Variants in PYROXD1 observed in about 807,000 individuals in gnomAD.
The protein encoded by PYROXD1 is pyridine nucleotide-disulphide oxidoreductase domain 1, also known as tRNA ligase complex-associated NAD(P)H dehydrogenase PYROXD1.
Under a neutral mutation model 62.0 loss-of-function variants are expected in PYROXD1, and 42 were observed. That is an observed-to-expected ratio of 0.68 (90% confidence interval 0.53 to 0.88). The LOEUF (loss-of-function observed/expected upper bound fraction) is 0.88. Ranked by LOEUF, PYROXD1 falls within the 40% of genes least tolerant of loss-of-function variation. The probability of loss-of-function intolerance (pLI) is 0.00; values close to 1 mark genes in which losing one functional copy is unlikely to be tolerated. For missense variants in PYROXD1, 493 were observed against 604.8 expected, an observed-to-expected ratio of 0.82 and a Z score of 1.94; for synonymous variants, 170 against 206.4, an observed-to-expected ratio of 0.82 and a Z score of 1.51.
At chr12:21,466,518 A>G (rs12228018) in intron 10 of PYROXD1, among the ~76,000 whole-genome samples, 54,734 of 152,022 alleles carry the variant, frequency 0.36, 11,256 homozygotes, top group South Asian at 0.5. Flanking sequence ...TTGATTTTGT[A>G]TCCTGAGACT....
intron 4 of PYROXD1, among the ~76,000 whole-genome samples, chr12:21,450,143 C>T (rs1942468618): frequency 6.6e-6 from 1 of 151,890 alleles, no homozygotes; most frequent in Admixed American, 6.6e-5. Flanking sequence ...GCTGGGATTA[C>T]AGGCGTGAGC....
intron 10 of PYROXD1, among the ~76,000 whole-genome samples, chr12:21,464,705 T>C (rs1363380782): frequency 7.1e-6 from 1 of 141,444 alleles, no homozygotes; most frequent in African/African-American, 2.7e-5. Flanking sequence ...TAAAATCCAC[T>C]GTGACTCCCA....
chr12:21,455,894 G>A (rs1942586760), intron 6 of PYROXD1, 101 bp from the exon 7 acceptor site: 1 of 688,178 alleles, frequency 1.5e-6, no homozygotes, highest in Non-Finnish European at 2.6e-6. Flanking sequence ...TGTAATGTAT[G>A]TATATATATG....
intron 2 of PYROXD1, among the ~76,000 whole-genome samples, chr12:21,442,202 T>A (rs12297304): frequency 0.043 from 6,604 of 152,164 alleles, 444 homozygotes; most frequent in African/African-American, 0.15. Flanking sequence ...AAGTGGTGCC[T>A]ATGGAGCAGA....
At chr12:21,463,806 G>A (rs144180891) in intron 10 of PYROXD1, among the ~76,000 whole-genome samples, 1 of 152,132 alleles carries the variant, frequency 6.6e-6, no homozygotes, top group Non-Finnish European at 1.5e-5. Flanking sequence ...TCCTAACGGT[G>A]GAACAAAAAT....
intron 3 of PYROXD1, among the ~76,000 whole-genome samples, chr12:21,448,611 G>A (rs922765782): frequency 5.3e-5 from 8 of 152,174 alleles, no homozygotes; most frequent in Non-Finnish European, 1.0e-4. Flanking sequence ...TGGAACTGAA[G>A]AATTAATTTG....
chr12:21,460,428 TATTTA>T (rs1565552879), intron 7 of PYROXD1, among the ~76,000 whole-genome samples: 17 of 144,396 alleles, frequency 1.2e-4, no homozygotes, highest in Admixed American at 2.1e-4. Flanking sequence ...TTATTTTATT[TATTTA>T]TTTTTTTTGA....
At position 21,440,358 on chromosome 12, in the gene PYROXD1, TA is replaced by T; in HGVS notation, c.85-5del. On this transcript the variant is annotated splice_polypyrimidine_tract_variant and intron_variant, in intron 1 of 11. Coordinates refer to ENST00000240651, the MANE Select transcript of PYROXD1 (RefSeq NM_024854.5). Reference sequence around the variant, plus strand: ...TGTCCTAATTTTTTTTCTCTCTTTTTAAAAATAAGTTGGCTACTCACTTTCC... The same window carrying T: ...TGTCCTAATTTTTTTTCTCTCTTTTTAAAATAAGTTGGCTACTCACTTTCC... The T allele has an allele frequency of 6.4e-7, 1 of 1,551,814 alleles. No individual in the cohort carries two copies. The highest frequency in any genetic ancestry group is 8.8e-7 in the Non-Finnish European group (1 of 1,134,784).
chr12:21,442,904 T>C (rs1224420148), intron 2 of PYROXD1, among the ~76,000 whole-genome samples: 1 of 152,232 alleles, frequency 6.6e-6, no homozygotes, highest in African/African-American at 2.4e-5. Flanking sequence ...TCATTATTGA[T>C]TCTTTTATGT....
chr12:21,446,653 A>G (rs996862240), intron 3 of PYROXD1, among the ~76,000 whole-genome samples: 3 of 152,000 alleles, frequency 2.0e-5, no homozygotes, highest in African/African-American at 4.8e-5. Context: ...GCTCATGCCT[A>G]TAATCCCCAG....
Position 21,471,101 on chromosome 12 carries a change from G to C in PYROXD1, c.*2347G>C, listed in dbSNP as rs1188789109. 1 of 1,563,248 alleles carries C rather than the reference G, an allele frequency of 6.4e-7. No homozygotes were observed. ...AAGCTGTAAAACTGTAGTCTTCTCT[G>C]CAGAAAATAAAGGCCAACAATAAGA... On this transcript the variant is annotated 3_prime_UTR_variant, in exon 12 of 12. Transcript: ENST00000240651.
At chr12:21,451,745 A>G (rs1290244331) in intron 4 of PYROXD1, among the ~76,000 whole-genome samples, 2 of 152,178 alleles carry the variant, frequency 1.3e-5, no homozygotes, top group African/African-American at 4.8e-5. Context: ...CTAGGTGAAA[A>G]GAAAGAATAA....
chr12:21,445,360 T>C lies in PYROXD1; in HGVS notation c.179T>C (p.Leu60Ser), dbSNP rs747243424. The change falls in exon 3 of 12, where the codon TTG becomes TCG. Residue 60 changes from leucine (L) to serine (S), a missense_variant. Leu to Ser is a moderately radical substitution (Grantham distance 145). This residue lies in a region of PYROXD1 where 164 missense variants were observed against 158.2 expected (regional missense o/e 1.04). Coordinates refer to ENST00000240651, the MANE Select transcript of PYROXD1 (RefSeq NM_024854.5). ...GGATCTATACAGATTTCTAAAATATTGGAAGAATTCGATGTTGAAGAACAA... is the reference window on the plus strand; with the variant it reads ...GGATCTATACAGATTTCTAAAATATCGGAAGAATTCGATGTTGAAGAACAA... ...VTNFKQISKI[L>S]EEFDVEEQSS... 1 of 1,596,468 alleles carries C rather than the reference T, an allele frequency of 6.3e-7. No individual in the cohort carries two copies. The highest frequency in any genetic ancestry group is 1.8e-5 in the Admixed American group (1 of 55,798).
chr12:21,453,633 C>T (rs1591947336), intron 5 of PYROXD1, among the ~76,000 whole-genome samples: 1 of 152,128 alleles, frequency 6.6e-6, no homozygotes, highest in East Asian at 1.9e-4. Flanking sequence ...AGTATTTCCC[C>T]TCTGTGTGAT....
At chr12:21,456,139 A>G (rs1463630490) in intron 7 of PYROXD1, 44 bp downstream of exon 7, 1 of 1,201,142 alleles carries the variant, frequency 8.3e-7, no homozygotes, top group Admixed American at 2.1e-5. Flanking sequence ...ATGTAATTTT[A>G]AATTCTTGAA....
At position 21,470,362 on chromosome 12, in the gene PYROXD1, A is replaced by C. The variant is rs1555143175; in HGVS notation, c.*1608A>C. The C allele has an allele frequency of 6.5e-7, 1 of 1,538,720 alleles. No individual in the cohort carries two copies. The highest frequency in any genetic ancestry group is 8.7e-7 in the Non-Finnish European group (1 of 1,147,100). On this transcript the variant is annotated 3_prime_UTR_variant, in exon 12 of 12. Coordinates refer to ENST00000240651, the MANE Select transcript of PYROXD1 (RefSeq NM_024854.5). ...ACGATTCAGCCTACAAAAAAAAAAA[A>C]AAAACAAAGCAAGCACCTTGGTAAA...
Position 21,468,687 on chromosome 12 carries a change from T to C in PYROXD1, c.1436T>C (p.Met479Thr). The C allele has an allele frequency of 6.2e-7, 1 of 1,611,570 alleles. No homozygotes were observed. The highest frequency in any genetic ancestry group is 8.5e-7 in the Non-Finnish European group (1 of 1,178,524). The change falls in exon 12 of 12, where the codon ATG becomes ACG. Residue 479 changes from methionine (M) to threonine (T), a missense_variant. Met to Thr is a moderately conservative substitution (Grantham distance 81, BLOSUM62 -1). Transcript: ENST00000240651. The part of the protein sequence containing the change: ...ETFENLILNQ[M>T]NLSSYGEDLL... ...TTTGAAAACCTAATCTTAAACCAAA[T>C]GAATCTTTCATCATATGGAGAAGAT...
intron 2 of PYROXD1, 47 bp from the exon 3 acceptor site, chr12:21,445,300 G>A: frequency 6.8e-7 from 1 of 1,470,252 alleles, no homozygotes; most frequent in African/African-American, 1.4e-5. Context: ...ATTCTTGAAA[G>A]AAAATACTTT....
chr12:21,438,857 A>T (rs1430399787), intron 1 of PYROXD1, among the ~76,000 whole-genome samples: 1 of 144,402 alleles, frequency 6.9e-6, no homozygotes, highest in African/African-American at 2.6e-5. Flanking sequence ...TTAAGGGCTG[A>T]GTGTTCAACT....
Sources: allele counts gnomAD v4.1 joint callset (sites outside exome capture counted in the v4.1 genomes callset), GRCh38; gene constraint gnomAD v4.1.1; regional missense constraint gnomAD v4.1.1; transcripts MANE v1.5; gene names NCBI Gene and HGNC (gene_info 2026-07-23, HGNC 2026-07-21).